Variants in CNTN4 observed in about 807,000 individuals in gnomAD.
The protein encoded by CNTN4 is contactin 4.
CNTN4 carries 77 observed loss-of-function variants against 122.5 expected under a neutral mutation model. That is an observed-to-expected ratio of 0.63 (90% CI 0.52 to 0.76). CNTN4 has a LOEUF of 0.76. CNTN4 is among the 30% of genes least tolerant of loss of function. The pLI is 0.00. For synonymous variants in CNTN4, 512 were observed against 447.0 expected, an observed-to-expected ratio of 1.15 and a Z score of -1.83; for missense variants, 1,256 against 1,259.1, an observed-to-expected ratio of 1.00 and a Z score of 0.04.
At chr3:2,343,577 C>T (rs942461697) in intron 3 of CNTN4, among the ~76,000 whole-genome samples, 5 of 152,162 alleles carry the variant, frequency 3.3e-5, no homozygotes, top group African/African-American at 4.8e-5. Context: ...AATTCTGTAA[C>T]CAGTGCTCTT....
chr3:2,406,358 A>G (rs377453074), intron 3 of CNTN4, among the ~76,000 whole-genome samples: 2 of 152,214 alleles, frequency 1.3e-5, no homozygotes, highest in African/African-American at 4.8e-5. Flanking sequence ...CAATCTCATC[A>G]TGAGGCTGCA....
At chr3:2,878,342 T>C (rs751583095) in intron 8 of CNTN4, among the ~76,000 whole-genome samples, 1 of 152,194 alleles carries the variant, frequency 6.6e-6, no homozygotes, top group Non-Finnish European at 1.5e-5. Context: ...CTTCTATGCC[T>C]GGAAAGAAGT....
intron 4 of CNTN4, among the ~76,000 whole-genome samples, chr3:2,705,901 ATATT>A (rs1286982896): frequency 1.6e-5 from 1 of 62,660 alleles, no homozygotes; most frequent in African/African-American, 5.0e-5. Context: ...TATAAAATAT[ATATT>A]ATATATAAAA....
intron 5 of CNTN4, among the ~76,000 whole-genome samples, chr3:2,744,494 T>G (rs2089648270): frequency 1.3e-5 from 2 of 152,382 alleles, no homozygotes; most frequent in African/African-American, 4.8e-5. Context: ...GCTGTATCTC[T>G]TAATTTTTAA....
chr3:2,111,944 A>C (rs144560056), intron 2 of CNTN4, among the ~76,000 whole-genome samples: 3 of 152,260 alleles, frequency 2.0e-5, no homozygotes, highest in African/African-American at 4.8e-5. Context: ...AATACTCTGT[A>C]AAGTGATTTA....
intron 4 of CNTN4, among the ~76,000 whole-genome samples, chr3:2,573,154 T>G (rs1055085092): frequency 5.3e-5 from 8 of 152,232 alleles, no homozygotes; most frequent in Non-Finnish European, 1.2e-4. Context: ...GTCTTTTAGT[T>G]GTCTTGAGGA....
intron 4 of CNTN4, among the ~76,000 whole-genome samples, chr3:2,605,562 C>T (rs986798231): frequency 1.3e-5 from 2 of 152,084 alleles, no homozygotes; most frequent in Non-Finnish European, 2.9e-5. Flanking sequence ...AGCAGGAGCA[C>T]AGCTGGGCAG....
Position 2,545,783 on chromosome 3 carries a change from C to G in CNTN4, c.-88-25633C>G, listed in dbSNP as rs762045500. On this transcript the variant is annotated intron_variant, in intron 3 of 24. Transcript: ENST00000418658. ...GTTATCGCATGTGAGGTAGGCCTCT[C>G]TTGAAGACAGCATATCATTGGGTCT... Among the ~76,000 whole-genome samples the G allele has an allele frequency of 1.8e-4, 28 of 151,894 alleles. 3 individuals are homozygous for G. The highest frequency in any genetic ancestry group is 1.6e-3 in the Admixed American group (24 of 15,202).
intron 2 of CNTN4, among the ~76,000 whole-genome samples, chr3:2,250,884 G>C (rs979847414): frequency 6.6e-6 from 1 of 151,702 alleles, no homozygotes; most frequent in African/African-American, 2.4e-5. Context: ...TACTGATTTT[G>C]CTCTAGTTCT....
chr3:3,037,935 C>T (rs1490998901), intron 18 of CNTN4, among the ~76,000 whole-genome samples: 5 of 152,116 alleles, frequency 3.3e-5, no homozygotes, highest in Non-Finnish European at 7.3e-5. Flanking sequence ...CAGGGTCAGC[C>T]GTACTTTTAC....
chr3:2,366,093 A>G (rs905730554), intron 3 of CNTN4, among the ~76,000 whole-genome samples: 1 of 152,196 alleles, frequency 6.6e-6, no homozygotes, highest in Non-Finnish European at 1.5e-5. Context: ...ATTTTATTAC[A>G]TGATATTTTC....
intron 4 of CNTN4, among the ~76,000 whole-genome samples, chr3:2,599,968 G>A (rs2080950667): frequency 6.9e-6 from 1 of 144,548 alleles, no homozygotes. Context: ...CCTTCATTTG[G>A]GGATTCTACC....
intron 4 of CNTN4, among the ~76,000 whole-genome samples, chr3:2,577,978 C>T (rs900764916): frequency 6.6e-6 from 1 of 152,034 alleles, no homozygotes; most frequent in Non-Finnish European, 1.5e-5. Context: ...CTCACAAAAT[C>T]TATGTCGTTA....
At chr3:2,318,765 A>AAGTATCTG (rs369152628) in intron 2 of CNTN4, among the ~76,000 whole-genome samples, 1 of 152,108 alleles carries the variant, frequency 6.6e-6, no homozygotes, top group African/African-American at 2.4e-5. Flanking sequence ...TCCTCCTCCC[A>AAGTATCTG]AGTATCTGGG....
rs533473202 is a variant in CNTN4 at position 2,190,446 on chromosome 3, G to A, written c.-145+89807G>A. On this transcript the variant is annotated intron_variant, in intron 2 of 24. Transcript: ENST00000418658. ...TAAAATAGATAAAATGCTTCACAAA[G>A]TTGAGCTGGAGCTCATCCATGGGCA... 7.9e-5 allele frequency among the ~76,000 whole-genome samples: 12 copies of A among 152,058 alleles called. No homozygotes were observed. In the East Asian group the frequency reaches 2.3e-3, roughly 29 times the overall value.
At chr3:2,217,024 A>G (rs2038870288) in intron 2 of CNTN4, among the ~76,000 whole-genome samples, 1 of 152,120 alleles carries the variant, frequency 6.6e-6, no homozygotes, top group South Asian at 2.1e-4. Flanking sequence ...TGAAAAGTAG[A>G]TCTTTCTACT....
chr3:2,903,543 C>T (rs952396708), intron 12 of CNTN4, among the ~76,000 whole-genome samples: 5 of 152,216 alleles, frequency 3.3e-5, no homozygotes, highest in Non-Finnish European at 1.5e-5. Context: ...CCTCTGCAGG[C>T]CACTGGTACA....
intron 3 of CNTN4, among the ~76,000 whole-genome samples, chr3:2,437,764 G>A (rs536432328): frequency 3.3e-5 from 5 of 152,300 alleles, no homozygotes; most frequent in African/African-American, 4.8e-5. Flanking sequence ...AGCGTGAAGC[G>A]TAATCGCCAA....
chr3:2,628,321 T>C (rs980468844), intron 4 of CNTN4, among the ~76,000 whole-genome samples: 1 of 152,184 alleles, frequency 6.6e-6, no homozygotes, highest in Admixed American at 6.5e-5. Context: ...GCAGGAACAC[T>C]GAGCAGCAGG....
Sources: gnomAD v4.1 joint callset for allele counts (sites outside exome capture counted in the v4.1 genomes callset) on GRCh38, gnomAD v4.1.1 for gene constraint, MANE v1.5 for transcripts, NCBI Gene and HGNC (gene_info 2026-07-23, HGNC 2026-07-21) for gene names.